The following CYB5R4 variants were observed in gnomAD, a reference collection of about 807,000 sequenced individuals.
CYB5R4 encodes the protein cytochrome b5 reductase 4, also known as N-terminal cytochrome b5 and cytochrome b5 oxidoreductase domain-containing protein.
A neutral mutation model predicts 70.2 loss-of-function variants in CYB5R4; 55 were observed. That is an observed-to-expected ratio of 0.78 (90% CI 0.63 to 0.98). The LOEUF is 0.98. Ranked by LOEUF, CYB5R4 falls within the 50% of genes least tolerant of loss-of-function variation. The probability of loss-of-function intolerance (pLI) is 0.00; values close to 1 mark genes in which losing one functional copy is unlikely to be tolerated. For synonymous variants in CYB5R4, 197 were observed against 199.5 expected, an observed-to-expected ratio of 0.99 and a Z score of 0.11; for missense variants, 562 against 612.6, an observed-to-expected ratio of 0.92 and a Z score of 0.87.
intron 14 of CYB5R4, among the ~76,000 whole-genome samples, chr6:83,947,732 G>A (rs1467033926): frequency 1.3e-5 from 2 of 152,112 alleles, no homozygotes; most frequent in Non-Finnish European, 2.9e-5. Context: ...GTGGGCAAAG[G>A]ATATCAACAG....
chr6:83,883,549 G>A (rs527847429), intron 2 of CYB5R4, among the ~76,000 whole-genome samples: 2 of 152,110 alleles, frequency 1.3e-5, no homozygotes, highest in Non-Finnish European at 2.9e-5. Context: ...TTCTATACCC[G>A]TAGGGAGACA....
At position 83,899,242 on chromosome 6, in the gene CYB5R4, G is replaced by A. The variant is rs560106134; in HGVS notation, c.330+5620G>A. Among the ~76,000 whole-genome samples, 474 of 152,206 alleles carry A rather than the reference G, an allele frequency of 3.1e-3. 4 individuals are homozygous for A. Among genetic ancestry groups the A allele is most frequent in the African/African-American group, 0.011 (455 of 41,544 alleles). ...GATAATCATGTGGTTTTTGTCTTTG[G>A]TTCTGTTTATATGCTGGATTACGTT... is the stretch of plus-strand genomic sequence containing the variant. On this transcript the variant is annotated intron_variant, in intron 3 of 15. Coordinates refer to ENST00000369681, the MANE Select transcript of CYB5R4 (RefSeq NM_016230.4).
chr6:83,923,815 G>A (rs9986326), intron 9 of CYB5R4, among the ~76,000 whole-genome samples: 6,390 of 151,686 alleles, frequency 0.042, 461 homozygotes, highest in African/African-American at 0.15. Flanking sequence ...GAATGTTAAC[G>A]AAACAAATTA....
intron 7 of CYB5R4, 74 bp from the exon 8 acceptor site, chr6:83,921,008 C>CTTA: frequency 8.6e-7 from 1 of 1,160,672 alleles, no homozygotes. Flanking sequence ...CGCAGATCAC[C>CTTA]TTAAAAGTAT....
chr6:83,928,401 G>A (rs908150779), intron 10 of CYB5R4, among the ~76,000 whole-genome samples: 3 of 152,172 alleles, frequency 2.0e-5, no homozygotes, highest in Non-Finnish European at 2.9e-5. Flanking sequence ...GTTTTGTGGT[G>A]GCCCCAAGTG....
At chr6:83,882,083 A>G (rs1023993995) in intron 2 of CYB5R4, among the ~76,000 whole-genome samples, 5 of 152,226 alleles carry the variant, frequency 3.3e-5, no homozygotes, top group African/African-American at 1.2e-4. Context: ...TTAAAATACT[A>G]TCTAAAGATA....
chr6:83,935,186 C>T (rs1433344580), intron 11 of CYB5R4, among the ~76,000 whole-genome samples: 1 of 152,114 alleles, frequency 6.6e-6, no homozygotes, highest in Non-Finnish European at 1.5e-5. Flanking sequence ...GTATAAGAAG[C>T]TCTATAAATG....
Position 83,960,062 on chromosome 6 carries a change from T to TA in CYB5R4, c.*185dup, listed in dbSNP as rs1196314546. On this transcript the variant is annotated 3_prime_UTR_variant, in exon 16 of 16. Transcript: ENST00000369681. ...CTTGGCTTTCTTTTGTACCACAACT[T>TA]ATTTTACTACTGATATTTGACCTGG... is the stretch of plus-strand genomic sequence containing the variant. The TA allele has an allele frequency of 2.7e-5, 12 of 440,322 alleles. No homozygotes were observed. The allele number at this position is 440,322 out of a possible 1,614,324, so 27.3% of individuals were successfully genotyped here. A position where few individuals can be genotyped will look rare whatever the true frequency, so the allele number is the denominator to read the frequency against.
chr6:83,939,161 A>G (rs1005293078), intron 12 of CYB5R4, among the ~76,000 whole-genome samples: 3 of 152,166 alleles, frequency 2.0e-5, no homozygotes, highest in African/African-American at 7.2e-5. Flanking sequence ...TATTTCATCA[A>G]CTACTGCAAG....
chr6:83,876,881 T>C (rs567877649), intron 2 of CYB5R4, among the ~76,000 whole-genome samples: 1 of 152,196 alleles, frequency 6.6e-6, no homozygotes, highest in Non-Finnish European at 1.5e-5. Flanking sequence ...GTCACCAGGC[T>C]GGAGTGCAGT....
intron 1 of CYB5R4, among the ~76,000 whole-genome samples, chr6:83,863,779 T>C (rs1219912834): frequency 6.6e-6 from 1 of 152,200 alleles, no homozygotes; most frequent in African/African-American, 2.4e-5. Context: ...ACAACAACCA[T>C]TTACATAGCA....
In CYB5R4 at chr6:83,921,111, T is replaced by G. The variant is rs141934862; in HGVS notation, c.594T>G (p.Asp198Glu). The change falls in exon 8 of 16, where the codon GAT (aspartate) becomes GAG (glutamate). Residue 198 changes from aspartate to glutamate, a missense_variant. Coordinates refer to ENST00000369681, the MANE Select transcript of CYB5R4 (RefSeq NM_016230.4). ...TCAATTTAGACTCAATAATAGTTGA[T>G]CATCAGAATGATTCCTTTAGAGCAG... ...KDINLDSIIV[D>E]HQNDSFRAET... 6.5e-7 allele frequency: 1 copy of G among 1,530,354 alleles called. No homozygotes were observed. The highest frequency in any genetic ancestry group is 1.9e-5 in the Admixed American group (1 of 52,010). 94.8% of individuals were successfully genotyped at this position (1,530,354 alleles called of 1,614,324 possible).
rs185520600 is a variant in CYB5R4, at chr6:83,885,150, T to C, written c.230-8372T>C. ...AAATAGTACCTATGTTTATGAAAAATAGAAAAGTAGCATTGTTTTACATTT... is the reference window on the plus strand; with the variant it reads ...AAATAGTACCTATGTTTATGAAAAACAGAAAAGTAGCATTGTTTTACATTT... On this transcript the variant is annotated intron_variant, in intron 2 of 15. Coordinates refer to ENST00000369681, the MANE Select transcript of CYB5R4 (RefSeq NM_016230.4). 6.6e-5 allele frequency among the ~76,000 whole-genome samples: 10 copies of C among 152,256 alleles called. No homozygotes were observed. The East Asian group carries it at 1.9e-3, about 29-fold the overall frequency.
At chr6:83,890,712 C>T (rs1237793255) in intron 2 of CYB5R4, among the ~76,000 whole-genome samples, 1 of 152,082 alleles carries the variant, frequency 6.6e-6, no homozygotes, top group Non-Finnish European at 1.5e-5. Flanking sequence ...ACTTTACTGT[C>T]AACTTATTTT....
intron 14 of CYB5R4, among the ~76,000 whole-genome samples, chr6:83,941,836 C>G (rs575390057): frequency 6.6e-6 from 1 of 152,282 alleles, no homozygotes; most frequent in Admixed American, 6.5e-5. Context: ...TTTTTTAACA[C>G]ATTTTCAAAG....
chr6:83,940,942 AT>A (rs2099469668), intron 14 of CYB5R4, among the ~76,000 whole-genome samples: 2 of 152,210 alleles, frequency 1.3e-5, no homozygotes, highest in African/African-American at 4.8e-5. Flanking sequence ...GGCTGATAAA[AT>A]AAGCATTTGG....
intron 3 of CYB5R4, among the ~76,000 whole-genome samples, chr6:83,902,247 A>AT (rs1483750164): frequency 1.3e-5 from 2 of 151,912 alleles, no homozygotes; most frequent in Admixed American, 6.6e-5. Flanking sequence ...TGGATATCCA[A>AT]TTTTCCCAGC....
intron 2 of CYB5R4, among the ~76,000 whole-genome samples, chr6:83,872,691 G>GT (rs2099457820): frequency 6.6e-6 from 1 of 152,160 alleles, no homozygotes; most frequent in East Asian, 1.9e-4. Flanking sequence ...GTTCTGTTCT[G>GT]TTTCTCTAAT....
At chr6:83,936,194 T>C in intron 11 of CYB5R4, 30 bp from the exon 12 acceptor site, 1 of 1,495,614 alleles carries the variant, frequency 6.7e-7, no homozygotes, top group Non-Finnish European at 8.9e-7. Flanking sequence ...TTTTAGAATT[T>C]AATTATTTTG....
Sources: allele counts gnomAD v4.1 joint callset (sites outside exome capture counted in the v4.1 genomes callset), GRCh38; gene constraint gnomAD v4.1.1; transcripts MANE v1.5; gene names NCBI Gene and HGNC (gene_info 2026-07-23, HGNC 2026-07-21).